The following CFAP206 variants were observed in gnomAD, a reference collection of about 807,000 sequenced individuals.
The protein encoded by CFAP206 is cilia and flagella associated protein 206, also known as cilia- and flagella-associated protein 206.
CFAP206 carries 53 observed loss-of-function variants against 65.4 expected under a neutral mutation model. The ratio of observed to expected loss-of-function variants is 0.81; its 90% CI spans 0.65 to 1.02. CFAP206 has a LOEUF of 1.02. CFAP206 is among the 50% of genes least tolerant of loss of function. The pLI, the probability that CFAP206 is intolerant of heterozygous loss-of-function variation, is 0.00. For missense variants in CFAP206, 663 were observed against 753.2 expected (o/e 0.88, Z 1.40); for synonymous variants, 250 against 254.4 (o/e 0.98, Z 0.17).
Position 87,435,043 on chromosome 6 carries a change from C to A in CFAP206, c.1484C>A (p.Pro495Gln). 2 of 1,589,430 alleles carry A rather than the reference C, an allele frequency of 1.3e-6. No homozygotes were observed. Among genetic ancestry groups the A allele is most frequent in the South Asian group, 1.2e-5 (1 of 86,294 alleles). Residue 495 changes from proline to glutamine, a missense_variant, in exon 11 of 13, where the codon CCA becomes CAA. Pro to Gln is a moderately conservative substitution (Grantham distance 76, BLOSUM62 -1). Coordinates refer to ENST00000369562, the MANE Select transcript of CFAP206 (RefSeq NM_001031743.3). ...CATCAACAGTTTGAAACATTTATTC[C>A]ATATTCTCAGGTAAGCAGGGTCAAT... is the stretch of plus-strand genomic sequence containing the variant. ...ELHQQFETFI[P>Q]YSQMRDADKH...
chr6:87,453,589 G>T (rs1209428605), intron 11 of CFAP206, among the ~76,000 whole-genome samples: 1 of 152,096 alleles, frequency 6.6e-6, no homozygotes, highest in Non-Finnish European at 1.5e-5. Context: ...GCAGTGGCTG[G>T]CTGGGGGATG....
At chr6:87,463,906 T>C in intron 12 of CFAP206, 114 bp from the exon 13 acceptor site, 1 of 684,904 alleles carries the variant, frequency 1.5e-6, no homozygotes, top group South Asian at 2.9e-5. Context: ...GTTATGGAAT[T>C]AATTTCTTGT....
chr6:87,464,360 G>A lies in CFAP206; in HGVS notation c.*110G>A. ...ATTTTGTAGGGGTGGCACATTCATT[G>A]GTTGTGTGACTGTTTATTGGGTTCC... On this transcript the variant is annotated 3_prime_UTR_variant, in exon 13 of 13. Coordinates refer to ENST00000369562, the MANE Select transcript of CFAP206 (RefSeq NM_001031743.3). 1.4e-6 allele frequency: 1 copy of A among 714,132 alleles called. No individual in the cohort carries two copies. The highest frequency in any genetic ancestry group is 2.1e-6 in the Non-Finnish European group (1 of 468,786). The allele number at this position is 714,132 out of a possible 1,614,324, so 44.2% of individuals were successfully genotyped here.
chr6:87,429,623 A>T (rs887678127), intron 9 of CFAP206, among the ~76,000 whole-genome samples: 3 of 152,164 alleles, frequency 2.0e-5, no homozygotes, highest in Non-Finnish European at 4.4e-5. Context: ...ATAAACTTTT[A>T]ACCATTTTAG....
intron 9 of CFAP206, among the ~76,000 whole-genome samples, chr6:87,429,736 G>A (rs1768125120): frequency 6.6e-6 from 1 of 152,030 alleles, no homozygotes; most frequent in Non-Finnish European, 1.5e-5. Flanking sequence ...AGTTTTTTCA[G>A]AAACTGAAAT....
At chr6:87,433,262 T>C (rs1172733677) in intron 10 of CFAP206, among the ~76,000 whole-genome samples, 1 of 152,248 alleles carries the variant, frequency 6.6e-6, no homozygotes, top group Non-Finnish European at 1.5e-5. Flanking sequence ...ATGTAGCACA[T>C]GTCACTCTGT....
intron 11 of CFAP206, among the ~76,000 whole-genome samples, chr6:87,459,857 C>T (rs1362479198): frequency 1.3e-5 from 2 of 152,160 alleles, no homozygotes; most frequent in Non-Finnish European, 2.9e-5. Context: ...TTTTCCTATA[C>T]ACCTGGTCTT....
intron 2 of CFAP206, 140 bp downstream of exon 2, chr6:87,410,087 GA>G: frequency 1.6e-6 from 1 of 620,626 alleles, no homozygotes; most frequent in Non-Finnish European, 2.7e-6. Context: ...ACAAATTTGT[GA>G]AAACATTTTT....
intron 5 of CFAP206, 79 bp downstream of exon 5, chr6:87,415,953 G>A (rs181333442): frequency 2.9e-6 from 3 of 1,040,568 alleles, no homozygotes; most frequent in African/African-American, 1.7e-5. Context: ...TAAATTAGAA[G>A]TGTTAAAGAT....
chr6:87,419,519 A>G (rs988844335), intron 7 of CFAP206, among the ~76,000 whole-genome samples: 1 of 152,202 alleles, frequency 6.6e-6, no homozygotes, highest in Non-Finnish European at 1.5e-5. Flanking sequence ...TCTGTTAATT[A>G]CTGCATGATG....
chr6:87,410,472 G>A (rs1158668341), intron 2 of CFAP206, 113 bp from the exon 3 acceptor site: 5 of 805,418 alleles, frequency 6.2e-6, no homozygotes, highest in South Asian at 1.5e-5. Context: ...CAACCCCAAC[G>A]TAATCAAGAG....
chr6:87,422,002 T>A (rs1767948096), intron 7 of CFAP206, among the ~76,000 whole-genome samples: 1 of 152,068 alleles, frequency 6.6e-6, no homozygotes, highest in African/African-American at 2.4e-5. Context: ...TGGAAGAAAG[T>A]ATGAGGAACT....
At chr6:87,457,480 A>G (rs1348736080) in intron 11 of CFAP206, among the ~76,000 whole-genome samples, 1 of 152,216 alleles carries the variant, frequency 6.6e-6, no homozygotes, top group Non-Finnish European at 1.5e-5. Context: ...ACATAGACCA[A>G]TGGAACAGAA....
chr6:87,418,087 C>G, intron 6 of CFAP206, 121 bp from the exon 7 acceptor site: 1 of 859,632 alleles, frequency 1.2e-6, no homozygotes, highest in Non-Finnish European at 1.8e-6. Flanking sequence ...CTCATTATTA[C>G]TAATTTGATT....
intron 10 of CFAP206, among the ~76,000 whole-genome samples, chr6:87,433,401 T>G (rs2127952556): frequency 6.6e-6 from 1 of 152,354 alleles, no homozygotes; most frequent in East Asian, 1.9e-4. Context: ...ACAGTGTTGC[T>G]CTTTCTAATA....
intron 7 of CFAP206, among the ~76,000 whole-genome samples, chr6:87,422,744 C>G (rs1172215202): frequency 7.4e-6 from 1 of 135,652 alleles, no homozygotes; most frequent in African/African-American, 3.0e-5. Flanking sequence ...GAGTGAGACT[C>G]TGTCTCAAAA....
intron 3 of CFAP206, 149 bp from the exon 4 acceptor site, chr6:87,413,661 C>T (rs1767774201): frequency 1.8e-6 from 1 of 555,708 alleles, no homozygotes; most frequent in African/African-American, 2.0e-5. Flanking sequence ...GCCTGAAGTC[C>T]TCAAGGAGAA....
chr6:87,461,308 C>G, intron 12 of CFAP206, 143 bp downstream of exon 12: 1 of 520,424 alleles, frequency 1.9e-6, no homozygotes, highest in Non-Finnish European at 3.1e-6. Flanking sequence ...TAATTTATAA[C>G]TTGCTAGGTT....
At chr6:87,452,533 C>T (rs1245382716) in intron 11 of CFAP206, among the ~76,000 whole-genome samples, 1 of 152,052 alleles carries the variant, frequency 6.6e-6, no homozygotes, top group African/African-American at 2.4e-5. Flanking sequence ...GTGGCCTGGC[C>T]TTTCAGACAG....
Sources: allele counts gnomAD v4.1 joint callset (sites outside exome capture counted in the v4.1 genomes callset), GRCh38; gene constraint gnomAD v4.1.1; transcripts MANE v1.5; gene names NCBI Gene and HGNC (gene_info 2026-07-23, HGNC 2026-07-21).